Variants in ALMS1 observed in about 807,000 individuals in gnomAD.
The protein encoded by ALMS1 is centrosome-associated protein ALMS1.
A neutral mutation model predicts 352.2 loss-of-function variants in ALMS1; 271 were observed. The observed-to-expected ratio is 0.77, with a 90% confidence interval of 0.70 to 0.85. ALMS1 has a LOEUF of 0.85. Among genes scored for constraint, ALMS1 ranks in the 40% least tolerant of loss-of-function variants. ALMS1 has a pLI of 0.00. For synonymous variants in ALMS1, 1,865 were observed against 1,761.2 expected, an observed-to-expected ratio of 1.06 and a Z score of -1.48; for missense variants, 5,445 against 4,870.7, an observed-to-expected ratio of 1.12 and a Z score of -3.51.
chr2:73,541,556 T>G (rs1475077672), intron 12 of ALMS1, among the ~76,000 whole-genome samples: 2 of 152,082 alleles, frequency 1.3e-5, no homozygotes, highest in African/African-American at 2.4e-5. Flanking sequence ...AAAATACCCT[T>G]CAAAAAATCA....
intron 13 of ALMS1, among the ~76,000 whole-genome samples, chr2:73,555,428 G>A (rs1036874654): frequency 2.6e-5 from 4 of 152,110 alleles, no homozygotes; most frequent in South Asian, 2.1e-4. Flanking sequence ...AATAAAATCA[G>A]ATAAATCACT....
At chr2:73,546,566 A>G (rs1203525802) in intron 12 of ALMS1, among the ~76,000 whole-genome samples, 1 of 152,262 alleles carries the variant, frequency 6.6e-6, no homozygotes, top group Non-Finnish European at 1.5e-5. Flanking sequence ...ACGTAATTAC[A>G]AGTGATAAAT....
chr2:73,418,483 G>A (rs1671220792), intron 2 of ALMS1, among the ~76,000 whole-genome samples: 1 of 152,176 alleles, frequency 6.6e-6, no homozygotes, highest in African/African-American at 2.4e-5. Flanking sequence ...TAGCATCGCC[G>A]CCACGAAGAA....
chr2:73,590,777 C>G lies in ALMS1; in HGVS notation c.11548-8624C>G, dbSNP rs556999547. 9.7e-4 allele frequency among the ~76,000 whole-genome samples: 143 copies of G among 146,824 alleles called. 1 individual carries two copies. The highest frequency in any genetic ancestry group is 4.9e-4 in the Admixed American group (7 of 14,234). ...CACTGCAACCTCCACCTTGCGGGTT[C>G]AAGCGATTTTCCTGCCTCAGCCTCC... is the stretch of plus-strand genomic sequence containing the variant. On this transcript the variant is annotated intron_variant, in intron 16 of 22. Transcript: ENST00000613296.
chr2:73,519,794 A>G lies in ALMS1; in HGVS notation c.9559A>G (p.Thr3187Ala). The G allele has an allele frequency of 6.2e-7, 1 of 1,614,002 alleles. No homozygotes were observed. Among genetic ancestry groups the G allele is most frequent in the Non-Finnish European group, 8.5e-7 (1 of 1,179,948 alleles). Residue 3187 changes from threonine to alanine, a missense_variant, in exon 11 of 23, where the codon ACC becomes GCC. Coordinates refer to ENST00000613296, the MANE Select transcript of ALMS1 (RefSeq NM_001378454.1). ...GGTCAGATTACCAGAGAAGATGAAG[A>G]CCCCACTTTCTGCTTTCTCTGAAAA... is the stretch of plus-strand genomic sequence containing the variant. ...FADRLPEKMK[T>A]PLSAFSEKLS... is the part of the protein sequence containing the mutation.
intron 15 of ALMS1, among the ~76,000 whole-genome samples, chr2:73,562,917 C>T (rs1027316227): frequency 1.3e-5 from 2 of 151,594 alleles, no homozygotes; most frequent in Non-Finnish European, 2.9e-5. Context: ...AAATTTACCC[C>T]TAAAAGAGTT....
At chr2:73,514,914 G>A (rs905627510) in intron 10 of ALMS1, among the ~76,000 whole-genome samples, 2 of 151,860 alleles carry the variant, frequency 1.3e-5, no homozygotes, top group African/African-American at 4.8e-5. Context: ...TGGCTTTGAT[G>A]CCCCAAGAGT....
chr2:73,540,867 G>T (rs1009619812), intron 12 of ALMS1, among the ~76,000 whole-genome samples: 1 of 152,168 alleles, frequency 6.6e-6, no homozygotes, highest in Non-Finnish European at 1.5e-5. Flanking sequence ...CACCCAGATT[G>T]ATAAAGCAAG....
In ALMS1 at chr2:73,554,549, C is replaced by CAA. The variant is rs76740260; in HGVS notation, c.10079-2658_10079-2657dup. On this transcript the variant is annotated intron_variant, in intron 13 of 22. Transcript: ENST00000613296. The stretch of plus-strand genomic sequence containing the variant: ...TGAAACCCCGTCTCTACTAAAAATA[C>CAA]AAAAAAAAAAAAAATTAGCCGGGCG... Among the ~76,000 whole-genome samples the CAA allele has an allele frequency of 6.7e-5, 9 of 134,922 alleles. No homozygotes were observed. The East Asian group carries it at 1.1e-3, about 16-fold the overall frequency. The allele number at this position is 134,922 out of a possible 152,430, so 88.5% of individuals were successfully genotyped here.
intron 17 of ALMS1, among the ~76,000 whole-genome samples, 151 bp from the exon 18 acceptor site, chr2:73,600,524 CCTT>C (rs777006619): frequency 7.2e-5 from 11 of 152,288 alleles, no homozygotes; most frequent in Non-Finnish European, 1.3e-4. Context: ...TCTCCCCTGT[CCTT>C]CTTTCTCTTC....
intron 10 of ALMS1, among the ~76,000 whole-genome samples, chr2:73,502,871 T>C (rs1673245283): frequency 6.6e-6 from 1 of 152,166 alleles, no homozygotes; most frequent in Non-Finnish European, 1.5e-5. Context: ...AACAAAGTTA[T>C]AGAAAAGGTA....
intron 1 of ALMS1, among the ~76,000 whole-genome samples, chr2:73,405,399 T>A (rs1424042743): frequency 6.6e-6 from 1 of 152,164 alleles, no homozygotes; most frequent in African/African-American, 2.4e-5. Context: ...TCTCCTATGA[T>A]CCTTTTTATT....
intron 9 of ALMS1, among the ~76,000 whole-genome samples, chr2:73,477,178 G>A (rs1266950372): frequency 3.9e-5 from 6 of 152,114 alleles, no homozygotes; most frequent in African/African-American, 1.4e-4. Context: ...CAGTTTTTAT[G>A]TATGGCATGC....
At chr2:73,440,423 G>T (rs1261570829) in intron 7 of ALMS1, among the ~76,000 whole-genome samples, 2 of 151,902 alleles carry the variant, frequency 1.3e-5, no homozygotes, top group Non-Finnish European at 2.9e-5. Flanking sequence ...TCATTTGATC[G>T]TCTTCTCCCT....
chr2:73,601,240 A>G lies in ALMS1; in HGVS notation c.11918A>G (p.Lys3973Arg). The change falls in exon 19 of 23, where the codon AAG becomes AGG. Residue 3973 changes from lysine to arginine, a missense_variant. By Grantham distance (26) the Lys-to-Arg change is conservative. Coordinates refer to ENST00000613296, the MANE Select transcript of ALMS1 (RefSeq NM_001378454.1). ...VPVENVESRS[K>R]KENVPNTCGP... ...GTGGAAAATGTGGAGTCTAGATCAAAGAAGGAAAACGTGCCTAACACTTGT... is the reference window on the plus strand; with the variant it reads ...GTGGAAAATGTGGAGTCTAGATCAAGGAAGGAAAACGTGCCTAACACTTGT... 1 of 1,614,234 alleles carries G rather than the reference A, an allele frequency of 6.2e-7. No homozygotes were observed. The highest frequency in any genetic ancestry group is 1.7e-5 in the Admixed American group (1 of 60,036).
chr2:73,583,230 T>G (rs1675228113), intron 16 of ALMS1, among the ~76,000 whole-genome samples: 1 of 151,938 alleles, frequency 6.6e-6, no homozygotes, highest in African/African-American at 2.4e-5. Flanking sequence ...GTCTCACTGT[T>G]TTGTCCATCC....
In ALMS1 at chr2:73,484,479, C is replaced by T. The variant is rs1181516905; in HGVS notation, c.7675-5155C>T. Among the ~76,000 whole-genome samples, 93 of 151,494 alleles carry T rather than the reference C, an allele frequency of 6.1e-4. 1 individual carries two copies. In the East Asian group the frequency reaches 0.015, roughly 24 times the overall value. On this transcript the variant is annotated intron_variant, in intron 9 of 22. Coordinates refer to ENST00000613296, the MANE Select transcript of ALMS1 (RefSeq NM_001378454.1). ...GATGGGCTTCCCTTTGTGGGTAATC[C>T]GACCTTTCTCTCTGGCTGTCCTTAA... is the stretch of plus-strand genomic sequence containing the variant.
At position 73,449,227 on chromosome 2, in the gene ALMS1, A is replaced by C. The variant is rs771737820; in HGVS notation, c.2700A>C (p.Ile900=). The C allele has an allele frequency of 6.2e-7, 1 of 1,614,078 alleles. No homozygotes were observed. The highest frequency in any genetic ancestry group is 8.5e-7 in the Non-Finnish European group (1 of 1,179,984). Residue 900 remains isoleucine (I), a synonymous_variant, in exon 8 of 23, where the codon ATA becomes ATC. Coordinates refer to ENST00000613296, the MANE Select transcript of ALMS1 (RefSeq NM_001378454.1). ...GACCAGGTGATCAGAAGACTGGGAT[A>C]CCCTCAGCACCATCTAGTTTCTACT... ...VPGPGDQKTG[I]PSAPSSFYSH... is the part of the protein sequence containing the mutation.
intron 9 of ALMS1, among the ~76,000 whole-genome samples, chr2:73,474,713 T>G (rs1672547935): frequency 6.6e-6 from 1 of 152,112 alleles, no homozygotes; most frequent in African/African-American, 2.4e-5. Flanking sequence ...TGAGAAGAGA[T>G]AATTTTAATT....
Sources: gnomAD v4.1 joint callset for allele counts (sites outside exome capture counted in the v4.1 genomes callset) on GRCh38, gnomAD v4.1.1 for gene constraint, MANE v1.5 for transcripts, NCBI Gene and HGNC (gene_info 2026-07-23, HGNC 2026-07-21) for gene names.